Variants in SLCO1C1 observed in about 807,000 individuals in gnomAD.
SLCO1C1 encodes solute carrier organic anion transporter family member 1C1, also known as OAT-RP-5.
Under a neutral mutation model 76.4 loss-of-function variants are expected in SLCO1C1, and 70 were observed. That is an observed-to-expected ratio of 0.92 (90% CI 0.76 to 1.12). The LOEUF is 1.12. Ranked by LOEUF, SLCO1C1 falls within the 50% of genes most tolerant of loss-of-function variation. SLCO1C1 has a pLI of 0.00. For synonymous variants in SLCO1C1, 306 were observed against 286.1 expected (o/e 1.07, Z -0.70); for missense variants, 912 against 823.8 (o/e 1.11, Z -1.31).
intron 10 of SLCO1C1, among the ~76,000 whole-genome samples, chr12:20,733,846 A>G (rs947663240): frequency 6.6e-6 from 1 of 152,294 alleles, no homozygotes; most frequent in Middle Eastern, 3.4e-3. Flanking sequence ...ACAAGGTTGA[A>G]TCTTGTAGGA....
At chr12:20,696,659 A>G (rs1175546811) in intron 1 of SLCO1C1, 1 of 152,172 alleles carries the variant, frequency 6.6e-6, no homozygotes, top group Non-Finnish European at 1.5e-5. Flanking sequence ...TTTTCCTGGA[A>G]GAATCTATTC....
At chr12:20,727,371 T>C (rs1464039073) in intron 9 of SLCO1C1, among the ~76,000 whole-genome samples, 1 of 152,244 alleles carries the variant, frequency 6.6e-6, no homozygotes, top group Non-Finnish European at 1.5e-5. Context: ...CTGTTATTTT[T>C]TGACATTTTA....
chr12:20,698,001 G>C (rs1055322354), intron 1 of SLCO1C1, among the ~76,000 whole-genome samples: 2 of 152,014 alleles, frequency 1.3e-5, no homozygotes, highest in African/African-American at 4.8e-5. Context: ...TTAGGGAATA[G>C]TTTCAGAGTA....
At chr12:20,704,219 A>T (rs1946669810) in intron 3 of SLCO1C1, among the ~76,000 whole-genome samples, 3 of 151,424 alleles carry the variant, frequency 2.0e-5, no homozygotes, top group Admixed American at 1.3e-4. Context: ...ACTTTGATAG[A>T]TACAGTATAT....
intron 9 of SLCO1C1, among the ~76,000 whole-genome samples, chr12:20,725,432 AT>A (rs1177230614): frequency 1.4e-5 from 2 of 146,358 alleles, no homozygotes; most frequent in African/African-American, 2.5e-5. Context: ...AACATCTGGT[AT>A]TATATATAGT....
intron 13 of SLCO1C1, among the ~76,000 whole-genome samples, chr12:20,749,000 T>C (rs1949173179): frequency 6.6e-6 from 1 of 152,206 alleles, no homozygotes; most frequent in Non-Finnish European, 1.5e-5. Context: ...CACCATTCTG[T>C]TTCCCAAAAA....
In SLCO1C1 at chr12:20,715,183, C is replaced by G. The variant is rs1195466708; in HGVS notation, c.574C>G (p.Leu192Val). 1.2e-6 allele frequency: 2 copies of G among 1,613,868 alleles called. No homozygotes were observed. Among genetic ancestry groups the G allele is most frequent in the East Asian group, 2.2e-5 (1 of 44,860 alleles). The change falls in exon 6 of 15, where the codon CTG (leucine) becomes GTG (valine). Residue 192 changes from leucine to valine, a missense_variant. By Grantham distance (32) the Leu-to-Val change is conservative (BLOSUM62 1). Coordinates refer to ENST00000266509, the MANE Select transcript of SLCO1C1 (RefSeq NM_017435.5). ...CTCTTCCATGTGGATTTATGTTTTCCTGGGCAATCTTCTTCGTGGAATAGG... is the reference window on the plus strand; with the variant it reads ...CTCTTCCATGTGGATTTATGTTTTCGTGGGCAATCTTCTTCGTGGAATAGG... The part of the protein sequence containing the change: ...TSSSMWIYVF[L>V]GNLLRGIGET...
chr12:20,701,567 A>C, intron 3 of SLCO1C1, 108 bp downstream of exon 3: 1 of 949,880 alleles, frequency 1.1e-6, no homozygotes, highest in African/African-American at 2.0e-5. Flanking sequence ...CTCTATTCAT[A>C]AAATCTTTTT....
At chr12:20,727,051 A>G (rs531845143) in intron 9 of SLCO1C1, among the ~76,000 whole-genome samples, 5 of 152,298 alleles carry the variant, frequency 3.3e-5, no homozygotes, top group African/African-American at 9.6e-5. Context: ...CATTCTTTCT[A>G]TGACTGCATA....
chr12:20,713,522 G>A (rs1008850890), intron 5 of SLCO1C1, among the ~76,000 whole-genome samples: 1 of 152,210 alleles, frequency 6.6e-6, no homozygotes, highest in African/African-American at 2.4e-5. Flanking sequence ...TACAGAGAAT[G>A]ACTCATAACT....
chr12:20,703,687 T>C (rs1269870266), intron 3 of SLCO1C1, among the ~76,000 whole-genome samples: 1 of 151,870 alleles, frequency 6.6e-6, no homozygotes, highest in Non-Finnish European at 1.5e-5. Context: ...CCATTTGTTA[T>C]ATAGGGATTT....
In SLCO1C1 at chr12:20,706,052, C is replaced by T. The variant is rs17852030; in HGVS notation, c.375C>T (p.Leu125=). Residue 125 remains leucine (L), a synonymous_variant, in exon 4 of 15, where the codon CTC becomes CTT. Coordinates refer to ENST00000266509, the MANE Select transcript of SLCO1C1 (RefSeq NM_017435.5). ...GCVIMGVGTL[L]IAMPQFFMEQ... is the part of the protein sequence containing the mutation. The stretch of plus-strand genomic sequence containing the variant: ...TAATCATGGGAGTTGGAACACTGCT[C>T]ATTGCAATGCCTCAGTTCTTCATGG... 2.5e-6 allele frequency: 4 copies of T among 1,612,882 alleles called. No individual in the cohort carries two copies. Among genetic ancestry groups the T allele is most frequent in the African/African-American group, 2.7e-5 (2 of 74,834 alleles).
intron 3 of SLCO1C1, among the ~76,000 whole-genome samples, chr12:20,702,227 A>G (rs564443626): frequency 6.6e-6 from 1 of 152,064 alleles, no homozygotes; most frequent in South Asian, 2.1e-4. Context: ...TAACTGCTCC[A>G]ATTTTAGCTT....
chr12:20,695,934 C>T (rs1946245889), intron 1 of SLCO1C1, 127 bp downstream of exon 1: 1 of 151,952 alleles, frequency 6.6e-6, no homozygotes, highest in African/African-American at 2.4e-5. Context: ...TGATGATCCC[C>T]TCATTAGTTT....
In SLCO1C1 at chr12:20,706,001, G is replaced by T. The variant is rs756285912; in HGVS notation, c.324G>T (p.Arg108Ser). ...FVSYFGAKLH[R>S]PKIIGAGCVI... ...GCTACTTTGGAGCCAAACTTCACAG[G>T]CCAAAAATAATTGGAGCAGGGTGTG... The change falls in exon 4 of 15, where the codon AGG becomes AGT. Residue 108 changes from arginine (R) to serine (S), a missense_variant. Coordinates refer to ENST00000266509, the MANE Select transcript of SLCO1C1 (RefSeq NM_017435.5). 1 of 1,613,398 alleles carries T rather than the reference G, an allele frequency of 6.2e-7. No homozygotes were observed. The highest frequency in any genetic ancestry group is 8.5e-7 in the Non-Finnish European group (1 of 1,179,480).
intron 3 of SLCO1C1, 38 bp from the exon 4 acceptor site, chr12:20,705,908 TAAG>T (rs1427656969): frequency 1.4e-5 from 23 of 1,600,594 alleles, no homozygotes; most frequent in Non-Finnish European, 1.7e-5. Context: ...GACTTCTTTC[TAAG>T]TTCTCTAATT....
At chr12:20,701,557 C>CTCTATTCA (rs1269851862) in intron 3 of SLCO1C1, 98 bp downstream of exon 3, 410 of 818,692 alleles carry the variant, frequency 5.0e-4, no homozygotes, top group Admixed American at 7.3e-4. Context: ...TGGGATCAGA[C>CTCTATTCA]TCTATTCATA....
intron 12 of SLCO1C1, among the ~76,000 whole-genome samples, chr12:20,740,697 G>C (rs77817238): frequency 6.8e-6 from 1 of 146,590 alleles, no homozygotes; most frequent in Non-Finnish European, 1.5e-5. Flanking sequence ...ATGCATTTTA[G>C]ATTAAATATA....
chr12:20,750,489 G>T (rs1325922861), intron 13 of SLCO1C1, among the ~76,000 whole-genome samples, 186 bp from the exon 14 acceptor site: 2 of 152,280 alleles, frequency 1.3e-5, no homozygotes, highest in East Asian at 3.9e-4. Flanking sequence ...GGCAGTTACT[G>T]CATGATTCTG....
Sources: allele counts gnomAD v4.1 joint callset (sites outside exome capture counted in the v4.1 genomes callset), GRCh38; gene constraint gnomAD v4.1.1; transcripts MANE v1.5; gene names NCBI Gene and HGNC (gene_info 2026-07-23, HGNC 2026-07-21).